Variants in RBFOX1 observed in about 807,000 individuals in gnomAD.
RBFOX1 encodes RNA binding fox-1 homolog 1.
Under a neutral mutation model 57.7 loss-of-function variants are expected in RBFOX1, and 8 were observed. The observed-to-expected ratio is 0.14, with a 90% CI of 0.08 to 0.25. The LOEUF (loss-of-function observed/expected upper bound fraction) is 0.25, where lower values mean the gene tolerates loss of function less well. RBFOX1 is among the 10% of genes least tolerant of loss of function. The pLI, the probability that RBFOX1 is intolerant of heterozygous loss-of-function variation, is 1.00. For missense variants in RBFOX1, 611 were observed against 548.5 expected (o/e 1.11, Z -1.14); for synonymous variants, 326 against 222.4 (o/e 1.47, Z -4.15).
intron 4 of RBFOX1, among the ~76,000 whole-genome samples, chr16:7,341,554 G>T (rs142847904): frequency 6.6e-6 from 1 of 152,084 alleles, no homozygotes; most frequent in Non-Finnish European, 1.5e-5. Context: ...CCCACTGACC[G>T]ACTCAGTATG....
At chr16:6,626,397 A>G (rs758287680) in intron 2 of RBFOX1, among the ~76,000 whole-genome samples, 3 of 152,150 alleles carry the variant, frequency 2.0e-5, no homozygotes, top group Non-Finnish European at 2.9e-5. Flanking sequence ...CTGATTCATC[A>G]TTCTTCCTCC....
At chr16:6,188,295 C>T (rs536766068) in intron 1 of RBFOX1, among the ~76,000 whole-genome samples, 14 of 151,532 alleles carry the variant, frequency 9.2e-5, no homozygotes, top group Non-Finnish European at 4.4e-5. Flanking sequence ...GATTTATTTT[C>T]ATGCTTCCTT....
At chr16:5,482,928 C>G (rs899323991) in intron 2 of RBFOX1, among the ~76,000 whole-genome samples, 2 of 152,200 alleles carry the variant, frequency 1.3e-5, no homozygotes, top group Non-Finnish European at 2.9e-5. Context: ...TCTTTAGAGA[C>G]TCTAAGCAGC....
chr16:6,184,803 G>A (rs988822836), intron 1 of RBFOX1, among the ~76,000 whole-genome samples: 1 of 151,638 alleles, frequency 6.6e-6, no homozygotes, highest in African/African-American at 2.4e-5. Context: ...TCTTGACCTC[G>A]TGATCCACCC....
At chr16:7,404,463 C>T (rs1372348715) in intron 4 of RBFOX1, among the ~76,000 whole-genome samples, 1 of 152,202 alleles carries the variant, frequency 6.6e-6, no homozygotes, top group Non-Finnish European at 1.5e-5. Context: ...ATGACGGCTC[C>T]TGTTAACATT....
intron 2 of RBFOX1, among the ~76,000 whole-genome samples, chr16:5,558,460 A>C (rs2045764395): frequency 1.3e-5 from 2 of 152,070 alleles, no homozygotes; most frequent in South Asian, 4.2e-4. Context: ...CCTGTCACAC[A>C]TCCTGCCAGG....
At chr16:7,018,669 T>A (rs1044215309) in intron 3 of RBFOX1, among the ~76,000 whole-genome samples, 4 of 152,036 alleles carry the variant, frequency 2.6e-5, no homozygotes, top group African/African-American at 9.7e-5. Flanking sequence ...TTCCACAACA[T>A]TAGGAGATAT....
At chr16:5,456,254 G>A (rs368562043) in intron 1 of RBFOX1, among the ~76,000 whole-genome samples, 177 of 152,084 alleles carry the variant, frequency 1.2e-3, no homozygotes, top group African/African-American at 3.9e-3. Context: ...TGATATGAAC[G>A]TGCTATACTT....
intron 14 of RBFOX1, among the ~76,000 whole-genome samples, chr16:7,707,064 C>G (rs568457553): frequency 6.6e-6 from 1 of 152,176 alleles, no homozygotes; most frequent in Non-Finnish European, 1.5e-5. Context: ...GTCAGTTTCA[C>G]TGACAGATTC....
intron 2 of RBFOX1, among the ~76,000 whole-genome samples, chr16:6,582,062 A>G (rs941658824): frequency 6.6e-6 from 1 of 152,172 alleles, no homozygotes; most frequent in African/African-American, 2.4e-5. Context: ...CAAGGCAAAG[A>G]CCAGCTCCCC....
chr16:6,396,748 CAG>C (rs141370909), intron 2 of RBFOX1, among the ~76,000 whole-genome samples: 4,165 of 151,882 alleles, frequency 0.027, 168 homozygotes, highest in African/African-American at 0.092. Flanking sequence ...TGTGAAGAAA[CAG>C]AGAAACATTA....
intron 3 of RBFOX1, among the ~76,000 whole-genome samples, chr16:5,689,734 G>A (rs2050612425): frequency 6.6e-6 from 1 of 151,608 alleles, no homozygotes; most frequent in African/African-American, 2.4e-5. Flanking sequence ...TTAGGAACAA[G>A]GAATACAATA....
At chr16:7,200,613 C>A (rs570258420) in intron 4 of RBFOX1, among the ~76,000 whole-genome samples, 1 of 152,264 alleles carries the variant, frequency 6.6e-6, no homozygotes, top group Non-Finnish European at 1.5e-5. Context: ...TACCCAGTAT[C>A]CCTTTATGCC....
At chr16:7,689,988 C>G in intron 14 of RBFOX1, among the ~76,000 whole-genome samples, 1 of 152,212 alleles carries the variant, frequency 6.6e-6, no homozygotes, top group South Asian at 2.1e-4. Context: ...GGTGGCCAAA[C>G]AGAAGCTGCA....
intron 1 of RBFOX1, among the ~76,000 whole-genome samples, chr16:5,452,802 C>G (rs1386116998): frequency 6.6e-6 from 1 of 152,050 alleles, no homozygotes; most frequent in Non-Finnish European, 1.5e-5. Flanking sequence ...CACCACCACA[C>G]CTGGCTAATT....
At chr16:5,652,816 C>G (rs2049283932) in intron 3 of RBFOX1, among the ~76,000 whole-genome samples, 1 of 152,230 alleles carries the variant, frequency 6.6e-6, no homozygotes, top group African/African-American at 2.4e-5. Flanking sequence ...CCAGCTCAGC[C>G]ACCTTATCTT....
chr16:5,295,519 G>C (rs1259857530), intron 1 of RBFOX1, among the ~76,000 whole-genome samples: 1 of 152,108 alleles, frequency 6.6e-6, no homozygotes, highest in African/African-American at 2.4e-5. Flanking sequence ...ACGGGTGATT[G>C]ATCTGCTTCC....
intron 15 of RBFOX1, chr16:7,709,901 G>T: frequency 1.9e-6 from 2 of 1,068,496 alleles, no homozygotes; most frequent in Non-Finnish European, 2.3e-6. Flanking sequence ...TTGGCATGCA[G>T]TTTTCTGCTT....
intron 4 of RBFOX1, among the ~76,000 whole-genome samples, chr16:5,938,946 A>T (rs1160180946): frequency 1.3e-5 from 2 of 152,190 alleles, no homozygotes; most frequent in African/African-American, 4.8e-5. Context: ...CTTTGTAGGG[A>T]CATGGATGAA....
Sources: allele counts gnomAD v4.1 joint callset (sites outside exome capture counted in the v4.1 genomes callset), GRCh38; gene constraint gnomAD v4.1.1; transcripts MANE v1.5; gene names NCBI Gene and HGNC (gene_info 2026-07-23, HGNC 2026-07-21).